GPR161: variants seen among roughly 807,000 people sequenced by gnomAD.
The protein encoded by GPR161 is G-protein coupled receptor RE2.
In GPR161, 25 loss-of-function variants were observed where a neutral mutation model predicts 39.2. The ratio of observed to expected loss-of-function variants is 0.64; its 90% confidence interval spans 0.47 to 0.89. The LOEUF is 0.89. Among genes scored for constraint, GPR161 ranks in the 40% least tolerant of loss-of-function variants. The pLI, the probability that GPR161 is intolerant of heterozygous loss-of-function variation, is 0.00. For missense variants in GPR161, 547 were observed against 677.8 expected (o/e 0.81, Z 2.14); for synonymous variants, 286 against 276.6 (o/e 1.03, Z -0.34).
chr1:168,119,241 TAC>T (rs59552387), intron 1 of GPR161, among the ~76,000 whole-genome samples: 8 of 122,480 alleles, frequency 6.5e-5, no homozygotes, highest in African/African-American at 2.2e-4. Context: ...TATATATATA[TAC>T]ACATATATAT....
upstream of GPR161, chr1:168,137,643 C>T (rs1344616517): frequency 3.5e-6 from 2 of 576,290 alleles, no homozygotes; most frequent in African/African-American, 3.7e-5. Context: ...TGTTTGTTTT[C>T]CCTTCCTCAC....
In GPR161 at chr1:168,104,860, A is replaced by G. The variant is rs747896637; in HGVS notation, c.-10T>C. ...AGGAGTTGAGGCTCATGGTCAGTGCACCTCGGCGTGGGGTGGGCAGAGCAT... is the reference window on the plus strand; with the variant it reads ...AGGAGTTGAGGCTCATGGTCAGTGCGCCTCGGCGTGGGGTGGGCAGAGCAT... On this transcript the variant is annotated 5_prime_UTR_variant, in exon 2 of 6. Transcript: ENST00000682931. 3.9e-5 allele frequency: 63 copies of G among 1,611,900 alleles called. No homozygotes were observed. The highest frequency in any genetic ancestry group is 5.3e-5 in the Non-Finnish European group (62 of 1,178,402).
intron 4 of GPR161, among the ~76,000 whole-genome samples, chr1:168,089,915 C>T (rs1694889542): frequency 6.6e-6 from 1 of 152,214 alleles, no homozygotes; most frequent in Non-Finnish European, 1.5e-5. Flanking sequence ...TAGGCAGAGG[C>T]TAAAGGGAGG....
At position 168,096,643 on chromosome 1, in the gene GPR161, G is replaced by C. The variant is rs1433028099; in HGVS notation, c.964C>G (p.Leu322Val). The C allele has an allele frequency of 1.2e-6, 2 of 1,614,176 alleles. No individual in the cohort carries two copies. The highest frequency in any genetic ancestry group is 1.1e-5 in the South Asian group (1 of 91,082). ...LSFASAVCHP[L>V]IYGLWNKTVR... is the part of the protein sequence containing the mutation. ...GTCTTGTTCCAGAGTCCATAGATCA[G>C]GGGGTGGCAGACAGCGCTGGCAAAG... Residue 322 changes from leucine (L) to valine (V), a missense_variant, in exon 3 of 6, where the codon CTG (leucine) becomes GTG (valine). Coordinates refer to ENST00000682931, the MANE Select transcript of GPR161 (RefSeq NM_001375883.1).
At chr1:168,136,464 G>T (rs1031840759) in intron 1 of GPR161, 9 of 1,273,974 alleles carry the variant, frequency 7.1e-6, no homozygotes, top group East Asian at 3.1e-5. Context: ...AGCAGAATGG[G>T]GTGGGCCTCT....
intron 1 of GPR161, among the ~76,000 whole-genome samples, chr1:168,126,889 T>C (rs1244451017): frequency 6.6e-6 from 1 of 152,210 alleles, no homozygotes; most frequent in African/African-American, 2.4e-5. Flanking sequence ...TCCCCTACAC[T>C]AATATCCACT....
Position 168,084,851 on chromosome 1 carries a change from CA to C in GPR161, c.*679del. On this transcript the variant is annotated 3_prime_UTR_variant, in exon 6 of 6. Coordinates refer to ENST00000682931, the MANE Select transcript of GPR161 (RefSeq NM_001375883.1). ...TAGTGGTTTCTCCCTTTTGAAATAC[CA>C]AAGAACTTGTCAGTAGGGAAGTAGG... is the stretch of plus-strand genomic sequence containing the variant. 2.2e-6 allele frequency: 1 copy of C among 456,112 alleles called. No homozygotes were observed. Among genetic ancestry groups the C allele is most frequent in the South Asian group, 1.5e-5 (1 of 64,560 alleles). 28.3% of individuals were successfully genotyped at this position (456,112 alleles called of 1,614,324 possible).
In GPR161 at chr1:168,096,945, T is replaced by C. The variant is rs150946852; in HGVS notation, c.662A>G (p.Lys221Arg). The C allele has an allele frequency of 5.1e-5, 82 of 1,614,024 alleles. No individual in the cohort carries two copies. Among genetic ancestry groups the C allele is most frequent in the East Asian group, 1.3e-4 (6 of 44,894 alleles). ...IFRVARVKAR[K>R]VHCGTVVIVE... is the part of the protein sequence containing the mutation. ...GATGACGACTGTGCCACAGTGCACC[T>C]TGCGTGCCTTGACCCTGGCCACGCG... is the stretch of plus-strand genomic sequence containing the variant. Residue 221 changes from lysine (K) to arginine (R), a missense_variant, in exon 3 of 6, where the codon AAG becomes AGG. Lys to Arg is a conservative substitution (Grantham distance 26). Transcript: ENST00000682931.
chr1:168,105,002 AC>A, intron 1 of GPR161, 108 bp from the exon 2 acceptor site: 1 of 778,632 alleles, frequency 1.3e-6, no homozygotes, highest in Non-Finnish European at 2.0e-6. Flanking sequence ...GCCTCAGATC[AC>A]CCAGCTAGTA....
intron 1 of GPR161, among the ~76,000 whole-genome samples, chr1:168,132,740 G>A (rs944646420): frequency 6.6e-6 from 1 of 152,128 alleles, no homozygotes; most frequent in African/African-American, 2.4e-5. Flanking sequence ...TTTTGTTGTT[G>A]TTGTTTGTTG....
chr1:168,121,398 G>A (rs546600883), intron 1 of GPR161, among the ~76,000 whole-genome samples: 1 of 152,162 alleles, frequency 6.6e-6, no homozygotes, highest in Non-Finnish European at 1.5e-5. Flanking sequence ...GCAAAGCTGG[G>A]CTCTCAACCA....
At chr1:168,086,410 T>C (rs1375005410) in intron 5 of GPR161, among the ~76,000 whole-genome samples, 1 of 152,258 alleles carries the variant, frequency 6.6e-6, no homozygotes, top group Non-Finnish European at 1.5e-5. Flanking sequence ...TATTAACTCA[T>C]TGCCTATTTT....
At chr1:168,102,681 T>C (rs1696213220) in intron 2 of GPR161, among the ~76,000 whole-genome samples, 1 of 152,168 alleles carries the variant, frequency 6.6e-6, no homozygotes, top group Admixed American at 6.5e-5. Flanking sequence ...GAGCTATCCC[T>C]GCAGATGACT....
At chr1:168,117,602 G>C (rs190393242) in intron 1 of GPR161, among the ~76,000 whole-genome samples, 1 of 152,316 alleles carries the variant, frequency 6.6e-6, no homozygotes, top group Non-Finnish European at 1.5e-5. Flanking sequence ...TTTGTACTGT[G>C]CTTAGAACAG....
In GPR161 at chr1:168,088,476, G is replaced by A. The variant is rs955875034; in HGVS notation, c.1205-772C>T. The A allele has an allele frequency of 2.0e-5, 3 of 152,378 alleles. No individual in the cohort carries two copies. In the East Asian group the frequency reaches 5.8e-4, roughly 29 times the overall value. 9.4% of individuals were successfully genotyped at this position (152,378 alleles called of 1,614,324 possible). Reference sequence around the variant, plus strand: ...TGCTGTTTCAGAGCACCTCGCAGAGGTGTGATTACCCGACATAGAGAAGAA... The same window carrying A: ...TGCTGTTTCAGAGCACCTCGCAGAGATGTGATTACCCGACATAGAGAAGAA... On this transcript the variant is annotated intron_variant, in intron 4 of 5. Coordinates refer to ENST00000682931, the MANE Select transcript of GPR161 (RefSeq NM_001375883.1).
intron 1 of GPR161, among the ~76,000 whole-genome samples, chr1:168,125,394 A>G (rs1330553881): frequency 6.6e-6 from 1 of 152,232 alleles, no homozygotes; most frequent in Non-Finnish European, 1.5e-5. Flanking sequence ...GAATTTAAAC[A>G]AAAATTTAAA....
chr1:168,095,723 C>A (rs1300917281), intron 3 of GPR161, among the ~76,000 whole-genome samples: 1 of 152,096 alleles, frequency 6.6e-6, no homozygotes, highest in Non-Finnish European at 1.5e-5. Context: ...AGGAAGACAG[C>A]AGCTGAGGTG....
At chr1:168,087,798 CCG>C in intron 4 of GPR161, 94 bp from the exon 5 acceptor site, 1 of 1,289,156 alleles carries the variant, frequency 7.8e-7, no homozygotes, top group Non-Finnish European at 1.1e-6. Context: ...CCCTCTTCTC[CCG>C]TTCATCCAAA....
chr1:168,110,348 T>G (rs1697009595), intron 1 of GPR161, among the ~76,000 whole-genome samples: 1 of 150,916 alleles, frequency 6.6e-6, no homozygotes, highest in South Asian at 2.1e-4. Context: ...TACAGAAAAT[T>G]AGCCAGGCTT....
Sources: allele counts gnomAD v4.1 joint callset (sites outside exome capture counted in the v4.1 genomes callset), GRCh38; gene constraint gnomAD v4.1.1; transcripts MANE v1.5; gene names NCBI Gene and HGNC (gene_info 2026-07-23, HGNC 2026-07-21).